STUM: variants seen among roughly 807,000 people sequenced by gnomAD.
The protein encoded by STUM is protein stum homolog.
Under a neutral mutation model 15.3 loss-of-function variants are expected in STUM, and 8 were observed. That is an observed-to-expected ratio of 0.52 (90% CI 0.31 to 0.94). The LOEUF is 0.94. Among genes scored for constraint, STUM ranks in the 40% least tolerant of loss-of-function variants. STUM has a pLI of 0.05. For missense variants in STUM, 142 were observed against 204.9 expected, an observed-to-expected ratio of 0.69 and a Z score of 1.87; for synonymous variants, 78 against 88.7, an observed-to-expected ratio of 0.88 and a Z score of 0.68.
chr1:226,554,929 C>T (rs188815031), intron 1 of STUM, among the ~76,000 whole-genome samples: 3 of 152,314 alleles, frequency 2.0e-5, no homozygotes, highest in Non-Finnish European at 4.4e-5. Flanking sequence ...CCATCACTCA[C>T]TTACACTGCA....
chr1:226,556,784 A>G (rs1304699341), intron 1 of STUM, among the ~76,000 whole-genome samples: 1 of 152,204 alleles, frequency 6.6e-6, no homozygotes, highest in Non-Finnish European at 1.5e-5. Context: ...AAAGCACTCC[A>G]CAGTCAGAAC....
intron 2 of STUM, among the ~76,000 whole-genome samples, chr1:226,597,688 A>G (rs1668204939): frequency 6.6e-6 from 1 of 152,254 alleles, no homozygotes; most frequent in African/African-American, 2.4e-5. Flanking sequence ...CAGGGCACAC[A>G]CAAATGGCAG....
At chr1:226,575,368 G>A (rs546973132) in intron 1 of STUM, among the ~76,000 whole-genome samples, 4 of 152,388 alleles carry the variant, frequency 2.6e-5, no homozygotes, top group East Asian at 1.9e-4. Flanking sequence ...AGCTCCAGCT[G>A]GAGGCTGAAG....
At chr1:226,564,546 G>A (rs560924642) in intron 1 of STUM, among the ~76,000 whole-genome samples, 1 of 152,196 alleles carries the variant, frequency 6.6e-6, no homozygotes, top group Non-Finnish European at 1.5e-5. Context: ...TGGGTAGAAC[G>A]TGCATTGGAA....
chr1:226,550,119 G>T (rs561698017), intron 1 of STUM, among the ~76,000 whole-genome samples: 2 of 152,188 alleles, frequency 1.3e-5, no homozygotes, highest in African/African-American at 4.8e-5. Context: ...CCCTGTCGGC[G>T]AGCCTGTTGC....
intron 1 of STUM, among the ~76,000 whole-genome samples, chr1:226,554,627 T>A (rs1667419998): frequency 6.6e-6 from 1 of 152,158 alleles, no homozygotes. Context: ...TGATAAAACA[T>A]GAAAAAGCAA....
At chr1:226,599,657 G>C (rs1213308677) in intron 2 of STUM, among the ~76,000 whole-genome samples, 1 of 152,256 alleles carries the variant, frequency 6.6e-6, no homozygotes, top group East Asian at 1.9e-4. Context: ...AAATCTAGAT[G>C]AAAGTGGGAG....
rs74733916 is a variant in STUM, at chr1:226,597,022, T to C, written c.382+41T>C. 6.0e-5 allele frequency: 95 copies of C among 1,593,022 alleles called. 1 individual carries two copies. In the East Asian group the frequency reaches 1.8e-3, roughly 30 times the overall value. On this transcript the variant is annotated intron_variant, in intron 2 of 3. Transcript: ENST00000366788. The stretch of plus-strand genomic sequence containing the variant: ...TGCTGCGCCTCCTGGGGGTGGGGAG[T>C]GGCCAGGGACAGGAAGGGCTTGGGA...
intron 1 of STUM, among the ~76,000 whole-genome samples, chr1:226,568,011 A>G (rs970548168): frequency 1.3e-5 from 2 of 152,336 alleles, no homozygotes; most frequent in East Asian, 3.9e-4. Context: ...GGGAGAGGTC[A>G]TGTGCGTGCC....
chr1:226,553,932 G>A (rs759937166), intron 1 of STUM, among the ~76,000 whole-genome samples: 1 of 152,236 alleles, frequency 6.6e-6, no homozygotes, highest in Non-Finnish European at 1.5e-5. Flanking sequence ...AAGAGGAACT[G>A]TGATAGATTA....
At chr1:226,593,057 A>T (rs571449538) in intron 1 of STUM, among the ~76,000 whole-genome samples, 5 of 152,220 alleles carry the variant, frequency 3.3e-5, no homozygotes, top group African/African-American at 1.2e-4. Context: ...ATGATGGTGC[A>T]TGCCTGTAAT....
intron 1 of STUM, among the ~76,000 whole-genome samples, chr1:226,596,032 T>G (rs1486412709): frequency 6.6e-6 from 1 of 152,204 alleles, no homozygotes; most frequent in Non-Finnish European, 1.5e-5. Context: ...TCAGAGCCCA[T>G]GTAGGAAAGG....
chr1:226,574,257 G>C (rs12029429), intron 1 of STUM, among the ~76,000 whole-genome samples: 16,385 of 152,220 alleles, frequency 0.11, 961 homozygotes, highest in South Asian at 0.29. Context: ...CCAGCTATCT[G>C]ACCCTGGTAA....
intron 1 of STUM, among the ~76,000 whole-genome samples, chr1:226,595,002 G>T (rs1264244841): frequency 6.6e-6 from 1 of 152,192 alleles, no homozygotes; most frequent in Non-Finnish European, 1.5e-5. Flanking sequence ...GATCACAGAG[G>T]TGGAGAAGTC....
At chr1:226,555,615 G>A (rs959845092) in intron 1 of STUM, among the ~76,000 whole-genome samples, 26 of 152,180 alleles carry the variant, frequency 1.7e-4, no homozygotes, top group African/African-American at 5.1e-4. Context: ...AAGCCTCCAC[G>A]TTCTCCTGTA....
intron 1 of STUM, among the ~76,000 whole-genome samples, chr1:226,575,900 C>T (rs1667806338): frequency 6.6e-6 from 1 of 152,248 alleles, no homozygotes; most frequent in Admixed American, 6.5e-5. Context: ...TGGCATCAGG[C>T]CAAGGGCTGA....
At position 226,603,861 on chromosome 1, in the gene STUM, C is replaced by G. The variant is rs1223559272; in HGVS notation, c.*1821C>G. 1 of 152,392 alleles carries G rather than the reference C, an allele frequency of 6.6e-6. No individual in the cohort carries two copies. Among genetic ancestry groups the G allele is most frequent in the African/African-American group, 2.4e-5 (1 of 41,458 alleles). The allele number at this position is 152,392 out of a possible 1,614,324, so 9.4% of individuals were successfully genotyped here. A position where few individuals can be genotyped will look rare whatever the true frequency, so the allele number is the denominator to read the frequency against. The stretch of plus-strand genomic sequence containing the variant: ...AACCCAGGCCTTTGCCTTCTTCTCT[C>G]CTGTTTGGAAGCCTCTGTATCTTCA... On this transcript the variant is annotated 3_prime_UTR_variant, in exon 4 of 4. Coordinates refer to ENST00000366788, the MANE Select transcript of STUM (RefSeq NM_001003665.4).
At chr1:226,588,751 C>G (rs375960858) in intron 1 of STUM, among the ~76,000 whole-genome samples, 1 of 152,236 alleles carries the variant, frequency 6.6e-6, no homozygotes, top group Non-Finnish European at 1.5e-5. Flanking sequence ...TTAGCAATCT[C>G]TGATTTTGAC....
In STUM at chr1:226,549,523, C is replaced by A. The variant is rs528938455; in HGVS notation, c.202+417C>A. Among the ~76,000 whole-genome samples, 1 of 152,288 alleles carries A rather than the reference C, an allele frequency of 6.6e-6. No homozygotes were observed. Among genetic ancestry groups the A allele is most frequent in the African/African-American group, 2.4e-5 (1 of 41,558 alleles). ...CGGATCAGAATGAGCTCTAGGGCCT[C>A]GGCGGCGAGGATCAAACTCCCGGGC... is the stretch of plus-strand genomic sequence containing the variant. On this transcript the variant is annotated intron_variant, in intron 1 of 3. Transcript: ENST00000366788. The surrounding 1 kb of genome is among the most constrained non-coding windows in gnomAD (Gnocchi z 6.8).
Sources: gnomAD v4.1 joint callset for allele counts (sites outside exome capture counted in the v4.1 genomes callset) on GRCh38, gnomAD v4.1.1 for gene constraint, Gnocchi (gnomAD v3.1) non-coding constraint, MANE v1.5 for transcripts, NCBI Gene and HGNC (gene_info 2026-07-23, HGNC 2026-07-21) for gene names.